The following TMEM177 variants were observed in gnomAD, a reference collection of about 807,000 sequenced individuals.
TMEM177 encodes the protein transmembrane protein 177.
Under a neutral mutation model 14.2 loss-of-function variants are expected in TMEM177, and 4 were observed. The ratio of observed to expected loss-of-function variants is 0.28; its 90% CI spans 0.14 to 0.64. The LOEUF (loss-of-function observed/expected upper bound fraction) is 0.64. Ranked by LOEUF, TMEM177 falls within the 30% of genes least tolerant of loss-of-function variation. The pLI, the probability that TMEM177 is intolerant of heterozygous loss-of-function variation, is 0.82. For synonymous variants in TMEM177, 179 were observed against 174.5 expected (o/e 1.03, Z -0.20); for missense variants, 344 against 405.2 (o/e 0.85, Z 1.30).
downstream of TMEM177, among the ~76,000 whole-genome samples, chr2:119,691,377 C>T (rs189546889): frequency 1.3e-5 from 2 of 152,248 alleles, no homozygotes; most frequent in Admixed American, 1.3e-4. Context: ...GGAAACGGAG[C>T]ATAGTTTCCA....
At chr2:119,712,965 A>G in the TMEM177 span, among the ~76,000 whole-genome samples, 1 of 152,226 alleles carries the variant, frequency 6.6e-6, no homozygotes, top group Non-Finnish European at 1.5e-5. Flanking sequence ...GCATTTACAT[A>G]GTCTAAGAAC....
the TMEM177 span, among the ~76,000 whole-genome samples, chr2:119,709,966 T>C: frequency 6.6e-6 from 1 of 151,990 alleles, no homozygotes. Context: ...GGAGAGCAGA[T>C]TGGTGGCCGC....
chr2:119,707,992 G>A, the TMEM177 span, among the ~76,000 whole-genome samples: 3 of 152,222 alleles, frequency 2.0e-5, no homozygotes, highest in East Asian at 5.8e-4. Flanking sequence ...AAGGCCTGCT[G>A]TGGTTTCTGT....
the TMEM177 span, among the ~76,000 whole-genome samples, chr2:119,702,733 G>T: frequency 6.6e-6 from 1 of 152,250 alleles, no homozygotes; most frequent in East Asian, 1.9e-4. Flanking sequence ...TGGTTGGGGA[G>T]TGTGATTGCA....
chr2:119,694,193 A>G, the TMEM177 span, among the ~76,000 whole-genome samples: 1 of 129,560 alleles, frequency 7.7e-6, no homozygotes, highest in Non-Finnish European at 1.7e-5. Context: ...ACCACACACA[A>G]CATACCATGC....
chr2:119,720,308 C>T, the TMEM177 span, among the ~76,000 whole-genome samples: 1 of 150,856 alleles, frequency 6.6e-6, no homozygotes, highest in African/African-American at 2.4e-5. Context: ...GAGTTTCCCT[C>T]TTGTTACCCA....
the TMEM177 span, among the ~76,000 whole-genome samples, chr2:119,709,165 T>G: frequency 6.6e-6 from 1 of 152,276 alleles, no homozygotes; most frequent in East Asian, 1.9e-4. Context: ...CTCTTTCCAT[T>G]TTTCTGTGGC....
At chr2:119,697,010 C>T in the TMEM177 span, among the ~76,000 whole-genome samples, 3 of 152,192 alleles carry the variant, frequency 2.0e-5, no homozygotes, top group African/African-American at 4.8e-5. Context: ...AGCACCCTGC[C>T]CTGGGGAAAT....
the TMEM177 span, among the ~76,000 whole-genome samples, chr2:119,710,160 A>G: frequency 6.6e-6 from 1 of 152,214 alleles, no homozygotes; most frequent in Non-Finnish European, 1.5e-5. Flanking sequence ...TTTCACCCCA[A>G]TAAAAATAAA....
chr2:119,693,039 C>T, the TMEM177 span, among the ~76,000 whole-genome samples: 2 of 148,146 alleles, frequency 1.4e-5, no homozygotes, highest in East Asian at 4.0e-4. Context: ...AGCAGTGGCT[C>T]AGAGAGGTTA....
the TMEM177 span, among the ~76,000 whole-genome samples, chr2:119,715,359 C>G: frequency 1.4e-4 from 21 of 152,174 alleles, no homozygotes; most frequent in Admixed American, 1.3e-3. Flanking sequence ...GCACTCCAGC[C>G]TGGACAGCAG....
At chr2:119,720,278 CT>C in the TMEM177 span, among the ~76,000 whole-genome samples, 216 of 145,954 alleles carry the variant, frequency 1.5e-3, no homozygotes, top group East Asian at 0.011. Context: ...TTATTCCCAA[CT>C]TTTTTTTTTT....
At chr2:119,705,412 A>C in the TMEM177 span, among the ~76,000 whole-genome samples, 1 of 152,168 alleles carries the variant, frequency 6.6e-6, no homozygotes, top group Non-Finnish European at 1.5e-5. Flanking sequence ...CAAGTCTTAC[A>C]GACTCATTCA....
In TMEM177 at chr2:119,682,008, G is replaced by A. The variant is rs1688920160; in HGVS notation, c.*219G>A. 1 of 537,852 alleles carries A rather than the reference G, an allele frequency of 1.9e-6. No individual in the cohort carries two copies. The highest frequency in any genetic ancestry group is 3.4e-6 in the Non-Finnish European group (1 of 298,020). 33.3% of individuals were successfully genotyped at this position (537,852 alleles called of 1,614,324 possible). A position where few individuals can be genotyped will look rare whatever the true frequency, so the allele number is the denominator to read the frequency against. ...AATCTGAGCCTTTGTTTCTTGAACT[G>A]TAAAGTGGAGATGATGTAAACCGCC... is the stretch of plus-strand genomic sequence containing the variant. On this transcript the variant is annotated 3_prime_UTR_variant, in exon 2 of 2. Transcript: ENST00000272521.
the TMEM177 span, among the ~76,000 whole-genome samples, chr2:119,715,645 G>C: frequency 0.02 from 3,118 of 152,330 alleles, 45 homozygotes; most frequent in Non-Finnish European, 0.032. Context: ...GTGCTGAGCT[G>C]TAAGGGCTCA....
the TMEM177 span, among the ~76,000 whole-genome samples, chr2:119,710,710 C>T: frequency 6.6e-6 from 1 of 151,956 alleles, no homozygotes; most frequent in African/African-American, 2.4e-5. Flanking sequence ...CCCGGGTTCA[C>T]GCCTTTCTCC....
At position 119,681,432 on chromosome 2, in the gene TMEM177, C is replaced by T; in HGVS notation, c.579C>T (p.Leu193=). The T allele has an allele frequency of 6.2e-7, 1 of 1,613,826 alleles. No individual in the cohort carries two copies. Among genetic ancestry groups the T allele is most frequent in the East Asian group, 2.2e-5 (1 of 44,874 alleles). The stretch of plus-strand genomic sequence containing the variant: ...TGGGTGCCAAGTACACCCTGGGGCT[C>T]CATGCAGGCCCCATGAATTTACGGG... ...LGVGAKYTLG[L]HAGPMNLRAA... is the part of the protein sequence containing the mutation. The change falls in exon 2 of 2, where the codon CTC becomes CTT. Residue 193 remains leucine (L), a synonymous_variant. Coordinates refer to ENST00000272521, the MANE Select transcript of TMEM177 (RefSeq NM_030577.3).
At chr2:119,715,894 G>T in the TMEM177 span, among the ~76,000 whole-genome samples, 1 of 152,328 alleles carries the variant, frequency 6.6e-6, no homozygotes, top group East Asian at 1.9e-4. Context: ...CTTGGGTCAG[G>T]TAGGCAACCC....
the TMEM177 span, among the ~76,000 whole-genome samples, chr2:119,703,072 C>T: frequency 1.3e-5 from 2 of 152,222 alleles, no homozygotes; most frequent in East Asian, 1.9e-4. Context: ...CAGGAGCCCC[C>T]GGGAGAAGGG....
Sources: allele counts gnomAD v4.1 joint callset (sites outside exome capture counted in the v4.1 genomes callset), GRCh38; gene constraint gnomAD v4.1.1; transcripts MANE v1.5; gene names NCBI Gene and HGNC (gene_info 2026-07-23, HGNC 2026-07-21).